The following UPP2 variants were observed in gnomAD, a reference collection of about 807,000 sequenced individuals.
UPP2 encodes the protein uridine phosphorylase 2, also known as UPase 2.
UPP2 carries 23 observed loss-of-function variants against 26.7 expected under a neutral mutation model. The observed-to-expected ratio is 0.86, with a 90% confidence interval of 0.62 to 1.22. UPP2 has a LOEUF of 1.22. UPP2 is among the 50% of genes most tolerant of loss of function. The pLI, the probability that UPP2 is intolerant of heterozygous loss-of-function variation, is 0.00. For missense variants in UPP2, 387 were observed against 396.7 expected (o/e 0.98, Z 0.21); for synonymous variants, 127 against 141.3 (o/e 0.90, Z 0.72).
intron 3 of UPP2, among the ~76,000 whole-genome samples, chr2:158,089,166 G>A (rs1384391527): frequency 6.6e-6 from 1 of 152,048 alleles, no homozygotes; most frequent in Non-Finnish European, 1.5e-5. Flanking sequence ...GTGGCTGCTG[G>A]GGGGATAGGG....
chr2:158,084,897 C>A (rs1373759365), intron 3 of UPP2, among the ~76,000 whole-genome samples: 1 of 152,044 alleles, frequency 6.6e-6, no homozygotes, highest in Non-Finnish European at 1.5e-5. Context: ...GTGACTATGG[C>A]CTTATAATAT....
At chr2:158,077,677 T>A (rs1682652904) in intron 3 of UPP2, among the ~76,000 whole-genome samples, 1 of 152,108 alleles carries the variant, frequency 6.6e-6, no homozygotes, top group African/African-American at 2.4e-5. Context: ...CCTAAAACTA[T>A]AAAACTGCTA....
chr2:158,018,592 G>C (rs146231421), intron 3 of UPP2, among the ~76,000 whole-genome samples: 1 of 152,184 alleles, frequency 6.6e-6, no homozygotes, highest in Non-Finnish European at 1.5e-5. Flanking sequence ...AGGTGGCAGT[G>C]GGGGAAGGGG....
intron 6 of UPP2, among the ~76,000 whole-genome samples, chr2:158,133,526 A>G (rs549836731): frequency 2.2e-4 from 33 of 152,336 alleles, no homozygotes; most frequent in African/African-American, 7.7e-4. Flanking sequence ...TGTTTTCACC[A>G]TAAAAATGCA....
At chr2:158,049,873 C>G (rs182080235) in intron 3 of UPP2, among the ~76,000 whole-genome samples, 100 of 152,268 alleles carry the variant, frequency 6.6e-4, no homozygotes, top group African/African-American at 2.4e-3. Flanking sequence ...TTTCTTTAAT[C>G]CTGTTGACAA....
At chr2:158,034,621 T>TGG (rs1393999236) in intron 3 of UPP2, among the ~76,000 whole-genome samples, 2 of 152,116 alleles carry the variant, frequency 1.3e-5, no homozygotes, top group East Asian at 3.9e-4. Context: ...CAGAGATTTG[T>TGG]CGTGTGTGTG....
intron 6 of UPP2, among the ~76,000 whole-genome samples, chr2:158,130,676 C>A (rs1398823527): frequency 6.6e-6 from 1 of 152,074 alleles, no homozygotes; most frequent in Admixed American, 6.6e-5. Context: ...TTTGGGCACC[C>A]AAAGAACTGG....
intron 2 of UPP2, among the ~76,000 whole-genome samples, chr2:158,010,026 C>G (rs181165040): frequency 2.6e-5 from 4 of 152,176 alleles, no homozygotes; most frequent in African/African-American, 9.7e-5. Context: ...CACCAGGAAA[C>G]GAGTATGTTA....
chr2:158,080,257 T>C (rs1682701870), intron 3 of UPP2, among the ~76,000 whole-genome samples: 1 of 152,174 alleles, frequency 6.6e-6, no homozygotes, highest in African/African-American at 2.4e-5. Context: ...ATCTTCCCAA[T>C]ACTCCTGCAT....
rs549492528 is a variant in UPP2 at position 158,108,416 on chromosome 2, CTCTT to C, written c.180+2204_180+2207del. ...GGTTTCTCCGATAAAAAAATAATGGCTCTTTCTCTGTTCAAACAAAACAAAATAA... is the reference window on the plus strand; with the variant it reads ...GGTTTCTCCGATAAAAAAATAATGGCTCTCTGTTCAAACAAAACAAAATAA... On this transcript the variant is annotated intron_variant, in intron 2 of 6. Transcript: ENST00000005756. Among the ~76,000 whole-genome samples the C allele has an allele frequency of 4.2e-3, 647 of 152,246 alleles. 6 individuals are homozygous for C. Among genetic ancestry groups the C allele is most frequent in the Middle Eastern group, 0.017 (5 of 292 alleles).
intron 3 of UPP2, among the ~76,000 whole-genome samples, chr2:158,056,473 G>A (rs1213139969): frequency 1.3e-5 from 2 of 152,146 alleles, no homozygotes; most frequent in East Asian, 1.9e-4. Flanking sequence ...TGACAAACTG[G>A]TGGCTTAAAA....
intron 2 of UPP2, among the ~76,000 whole-genome samples, chr2:158,108,686 G>A (rs1266778340): frequency 2.6e-5 from 4 of 152,046 alleles, no homozygotes; most frequent in Admixed American, 6.6e-5. Flanking sequence ...ACGTCTGCCT[G>A]TCCAGATTTT....
At chr2:158,089,458 G>A (rs932704658) in intron 3 of UPP2, among the ~76,000 whole-genome samples, 1 of 152,212 alleles carries the variant, frequency 6.6e-6, no homozygotes, top group African/African-American at 2.4e-5. Flanking sequence ...CCTGCCTGCT[G>A]CAGTTTCTGT....
intron 3 of UPP2, among the ~76,000 whole-genome samples, chr2:158,059,691 A>T (rs1682323117): frequency 1.3e-5 from 2 of 152,234 alleles, no homozygotes; most frequent in African/African-American, 4.8e-5. Context: ...CGTCTGGCAC[A>T]CAGAGCTCTG....
intron 2 of UPP2, among the ~76,000 whole-genome samples, chr2:158,015,609 C>T (rs772767439): frequency 6.6e-6 from 1 of 152,128 alleles, no homozygotes; most frequent in Non-Finnish European, 1.5e-5. Context: ...TCTGTGTTCC[C>T]ACCAAATCTC....
chr2:158,054,878 G>A (rs1682222323), intron 3 of UPP2, among the ~76,000 whole-genome samples: 1 of 152,146 alleles, frequency 6.6e-6, no homozygotes, highest in African/African-American at 2.4e-5. Context: ...ACAGTGTTGT[G>A]AATTATCACC....
chr2:158,079,388 A>G (rs1257758220), intron 3 of UPP2, among the ~76,000 whole-genome samples: 1 of 152,118 alleles, frequency 6.6e-6, no homozygotes, highest in Non-Finnish European at 1.5e-5. Flanking sequence ...GGATTGGCTG[A>G]TCAGGGGTTA....
chr2:158,022,931 C>G (rs1346982734), intron 3 of UPP2, among the ~76,000 whole-genome samples: 2 of 152,130 alleles, frequency 1.3e-5, no homozygotes, highest in African/African-American at 4.8e-5. Context: ...AGGTTAAGAA[C>G]TGAGCTGAGT....
At chr2:158,103,636 T>C (rs1574291908) in intron 1 of UPP2, among the ~76,000 whole-genome samples, 1 of 152,106 alleles carries the variant, frequency 6.6e-6, no homozygotes, top group African/African-American at 2.4e-5. Flanking sequence ...CTTGGCAGAG[T>C]GAAACAGAAA....
Sources: gnomAD v4.1 joint callset for allele counts (sites outside exome capture counted in the v4.1 genomes callset) on GRCh38, gnomAD v4.1.1 for gene constraint, MANE v1.5 for transcripts, NCBI Gene and HGNC (gene_info 2026-07-23, HGNC 2026-07-21) for gene names.